The following ZNF880 variants were observed in gnomAD, a reference collection of about 807,000 sequenced individuals.
ZNF880 encodes zinc finger protein LOC400713.
ZNF880 carries 12 observed loss-of-function variants against 11.8 expected under a neutral mutation model. The observed-to-expected ratio is 1.02, with a 90% CI of 0.65 to 1.65. The LOEUF (loss-of-function observed/expected upper bound fraction) is 1.65, where lower values mean the gene tolerates loss of function less well. ZNF880 is among the 40% of genes most tolerant of loss of function. The pLI, the probability that ZNF880 is intolerant of heterozygous loss-of-function variation, is 0.00. For missense variants in ZNF880, 601 were observed against 673.9 expected, an observed-to-expected ratio of 0.89 and a Z score of 1.20; for synonymous variants, 210 against 232.4, an observed-to-expected ratio of 0.90 and a Z score of 0.88.
intron 3 of ZNF880, 191 bp downstream of exon 3, chr19:52,374,618 T>C: frequency 1.3e-6 from 1 of 759,384 alleles, no homozygotes; most frequent in South Asian, 1.5e-5. Flanking sequence ...ATTACAAGCA[T>C]GAGCCACTGT....
Position 52,384,421 on chromosome 19 carries a change from TCTCACCTTGCAAA to T in ZNF880, c.842_854del (p.Ser281PhefsTer60). 6.7e-7 allele frequency: 1 copy of T among 1,496,650 alleles called. No individual in the cohort carries two copies. The highest frequency in any genetic ancestry group is 9.0e-7 in the Non-Finnish European group (1 of 1,111,958). The allele number at this position is 1,496,650 out of a possible 1,614,324, so 92.7% of individuals were successfully genotyped here. ...GTGTGGCAAAGTCTTCACTCAAAAT[TCTCACCTTGCAAA>T]TCATCACAGAATCCACACTGGAGAG... On this transcript the variant is annotated frameshift_variant, in exon 4 of 4. Coordinates refer to ENST00000422689, the MANE Select transcript of ZNF880 (RefSeq NM_001145434.2). LOFTEE classifies it low-confidence loss of function (END_TRUNC).
upstream of ZNF880, chr19:52,369,853 C>A: frequency 1.5e-6 from 2 of 1,375,616 alleles, no homozygotes; most frequent in South Asian, 1.2e-5. Context: ...GGGAGCGAGG[C>A]GGAGGGAAGC....
At chr19:52,368,153 C>G (rs1387856491), upstream of ZNF880, among the ~76,000 whole-genome samples, 1 of 149,232 alleles carries the variant, frequency 6.7e-6, no homozygotes, top group Non-Finnish European at 1.5e-5. Flanking sequence ...TTGCAGTGAG[C>G]TGAGATCACC....
the ZNF880 span, among the ~76,000 whole-genome samples, chr19:52,396,121 ATT>A: frequency 8.3e-6 from 1 of 120,608 alleles, no homozygotes; most frequent in African/African-American, 3.2e-5. Context: ...TGCCTGGCTA[ATT>A]TTTTTTTTTT....
chr19:52,385,564 T>C lies in ZNF880; in HGVS notation c.*250T>C, dbSNP rs1468270248. 5.5e-6 allele frequency: 2 copies of C among 363,732 alleles called. No homozygotes were observed. Among genetic ancestry groups the C allele is most frequent in the South Asian group, 3.6e-5 (1 of 27,888 alleles). The allele number at this position is 363,732 out of a possible 1,614,324, so 22.5% of individuals were successfully genotyped here. A position where few individuals can be genotyped will look rare whatever the true frequency, so the allele number is the denominator to read the frequency against. ...TGAAACCATACAGATGGATTATGTA[T>C]GCTGAGGCTATTATTCAAGGACCAT... On this transcript the variant is annotated 3_prime_UTR_variant, in exon 4 of 4. Coordinates refer to ENST00000422689, the MANE Select transcript of ZNF880 (RefSeq NM_001145434.2).
chr19:52,372,909 CAAAAAAAAAAAAAA>C (rs201869014), intron 1 of ZNF880, among the ~76,000 whole-genome samples, 188 bp from the exon 2 acceptor site: 25,336 of 70,446 alleles, frequency 0.36, 2,970 homozygotes, highest in Non-Finnish European at 0.42. Context: ...GACTCCGTCT[CAAAAAAAAAAAAAA>C]AAAAAAAAAA....
At chr19:52,380,905 C>T (rs1325282189) in intron 3 of ZNF880, among the ~76,000 whole-genome samples, 1 of 151,810 alleles carries the variant, frequency 6.6e-6, no homozygotes, top group African/African-American at 2.4e-5. Context: ...ACTTGAACCC[C>T]TAGGATCAGT....
At chr19:52,369,242 A>C (rs1222090243), upstream of ZNF880, among the ~76,000 whole-genome samples, 2 of 150,062 alleles carry the variant, frequency 1.3e-5, no homozygotes, top group Non-Finnish European at 3.0e-5. Context: ...GGCGCCTGTA[A>C]TCCCAGCTAC....
At chr19:52,367,113 G>GT (rs34331117), upstream of ZNF880, 155,986 of 185,962 alleles carry the variant, frequency 0.84, 65,654 homozygotes, top group African/African-American at 0.89. Context: ...AAAGTTTAAA[G>GT]TTTTTTTTTA....
At chr19:52,397,297 G>C in the ZNF880 span, 7 of 152,192 alleles carry the variant, frequency 4.6e-5, no homozygotes, top group Admixed American at 4.6e-4. Context: ...TAAATGAAAA[G>C]TATTTATCTT....
At chr19:52,370,786 T>C (rs1156690308) in intron 1 of ZNF880, among the ~76,000 whole-genome samples, 2 of 152,232 alleles carry the variant, frequency 1.3e-5, no homozygotes, top group African/African-American at 4.8e-5. Flanking sequence ...AAATGCACAT[T>C]TGCAAAAACA....
intron 2 of ZNF880, 92 bp from the exon 3 acceptor site, chr19:52,374,207 G>A (rs562998514): frequency 2.4e-4 from 256 of 1,081,464 alleles, no homozygotes; most frequent in Non-Finnish European, 3.2e-4. Flanking sequence ...ACCACGCCCC[G>A]CTAATTTTTT....
chr19:52,372,650 C>T (rs1986412504), intron 1 of ZNF880, among the ~76,000 whole-genome samples: 1 of 150,134 alleles, frequency 6.7e-6, no homozygotes, highest in Non-Finnish European at 1.5e-5. Flanking sequence ...GCCTGTAATC[C>T]CAGCACTTTG....
At chr19:52,367,113 G>T (rs1036732315), upstream of ZNF880, 49 of 186,072 alleles carry the variant, frequency 2.6e-4, no homozygotes, top group South Asian at 1.3e-3. Context: ...AAAGTTTAAA[G>T]TTTTTTTTTA....
chr19:52,373,668 AATTTTTT>A (rs1568660658), intron 2 of ZNF880, among the ~76,000 whole-genome samples: 1 of 101,530 alleles, frequency 9.8e-6, no homozygotes, highest in African/African-American at 4.7e-5. Flanking sequence ...GAAATACTGT[AATTTTTT>A]TTTTTTTTTT....
intron 1 of ZNF880, among the ~76,000 whole-genome samples, chr19:52,371,272 C>T (rs1049113369): frequency 2.0e-5 from 3 of 151,930 alleles, no homozygotes; most frequent in African/African-American, 4.8e-5. Context: ...ATTTTAATCC[C>T]GGAACTTATT....
the ZNF880 span, chr19:52,397,477 A>C: frequency 6.7e-6 from 1 of 148,554 alleles, no homozygotes; most frequent in Non-Finnish European, 1.5e-5. Context: ...TTTCTTGTCC[A>C]TTTATTTTCG....
intron 3 of ZNF880, 62 bp downstream of exon 3, chr19:52,374,489 T>C: frequency 6.5e-7 from 1 of 1,542,696 alleles, no homozygotes; most frequent in East Asian, 2.4e-5. Context: ...AACAGGGTCT[T>C]GCTCTGTCAC....
rs1050705188 is a variant in ZNF880 at position 52,384,946 on chromosome 19, A to G, written c.1366A>G (p.Arg456Gly). 5 of 1,582,184 alleles carry G rather than the reference A, an allele frequency of 3.2e-6. No individual in the cohort carries two copies. Among genetic ancestry groups the G allele is most frequent in the Admixed American group, 1.8e-5 (1 of 54,368 alleles). ...RHRLSLSNHQRFHTGEKPYRC... is the reference protein window; with the variant it reads ...RHRLSLSNHQGFHTGEKPYRC... Reference sequence around the variant, plus strand: ...TAGATTATCCCTAAGCAATCATCAGAGATTTCATACTGGAGAGAAACCTTA... The same window carrying G: ...TAGATTATCCCTAAGCAATCATCAGGGATTTCATACTGGAGAGAAACCTTA... The change falls in exon 4 of 4, where the codon AGA becomes GGA. Residue 456 changes from arginine (R) to glycine (G), a missense_variant. By Grantham distance (125) the Arg-to-Gly change is moderately radical. This residue lies in a region of ZNF880 where 177 missense variants were observed against 214.5 expected (regional missense o/e 0.83). Transcript: ENST00000422689.
Sources: gnomAD v4.1 joint callset for allele counts (sites outside exome capture counted in the v4.1 genomes callset) on GRCh38, gnomAD v4.1.1 for gene constraint, gnomAD v4.1.1 regional missense constraint, MANE v1.5 for transcripts, NCBI Gene and HGNC (gene_info 2026-07-23, HGNC 2026-07-21) for gene names.